The following CELSR1 variants were observed in gnomAD, a reference collection of about 807,000 sequenced individuals.
CELSR1 encodes the protein adhesion G protein-coupled receptor C1.
CELSR1 carries 110 observed loss-of-function variants against 249.1 expected under a neutral mutation model. The ratio of observed to expected loss-of-function variants is 0.44; its 90% CI spans 0.38 to 0.52. CELSR1 has a LOEUF of 0.52. Among genes scored for constraint, CELSR1 ranks in the 20% least tolerant of loss-of-function variants. CELSR1 has a pLI of 0.00. For missense variants in CELSR1, 4,109 were observed against 4,296.4 expected, an observed-to-expected ratio of 0.96 and a Z score of 1.22; for synonymous variants, 2,113 against 1,900.0, an observed-to-expected ratio of 1.11 and a Z score of -2.92.
At chr22:46,405,446 C>A (rs1351279538) in intron 9 of CELSR1, among the ~76,000 whole-genome samples, 1 of 131,006 alleles carries the variant, frequency 7.6e-6, no homozygotes, top group Non-Finnish European at 1.5e-5. Context: ...GGTGACAGAG[C>A]GAGACTCCGT....
In CELSR1 at chr22:46,473,316, T is replaced by C. The variant is rs527432121; in HGVS notation, c.3545-8971A>G. On this transcript the variant is annotated intron_variant, in intron 1 of 34. Transcript: ENST00000674500. The surrounding 1 kb of genome is among the most constrained non-coding windows in gnomAD (Gnocchi z 6.6). The stretch of plus-strand genomic sequence containing the variant: ...AGGCCAAGTCCCCAGTGATGGTGGA[T>C]GGGAGGGACAGAGGAGATGGTCCAA... 1.0e-3 allele frequency among the ~76,000 whole-genome samples: 153 copies of C among 151,914 alleles called. No homozygotes were observed. Among genetic ancestry groups the C allele is most frequent in the Admixed American group, 1.8e-3 (27 of 15,266 alleles).
In CELSR1 at chr22:46,401,639, C is replaced by CA. The variant is rs2079211448; in HGVS notation, c.5227-1738dup. ...ATCAGTCGCCTGTGACCTAGAGTCT[C>CA]AAGATGCCTAAAAGCTTTCTAGGTT... On this transcript the variant is annotated intron_variant, in intron 9 of 34. Coordinates refer to ENST00000674500, the MANE Select transcript of CELSR1 (RefSeq NM_001378328.1). The surrounding 1 kb of genome is among the most constrained non-coding windows in gnomAD (Gnocchi z 4.7). Among the ~76,000 whole-genome samples, 1 of 152,190 alleles carries CA rather than the reference C, an allele frequency of 6.6e-6. No homozygotes were observed. Among genetic ancestry groups the CA allele is most frequent in the African/African-American group, 2.4e-5 (1 of 41,444 alleles).
At chr22:46,491,846 A>C (rs960276832) in intron 1 of CELSR1, among the ~76,000 whole-genome samples, 1 of 152,132 alleles carries the variant, frequency 6.6e-6, no homozygotes, top group African/African-American at 2.4e-5. Flanking sequence ...CATGTTGGCC[A>C]GGCTGGTCTC....
intron 12 of CELSR1, among the ~76,000 whole-genome samples, chr22:46,397,217 C>T (rs1272456208): frequency 6.6e-6 from 1 of 151,976 alleles, no homozygotes; most frequent in Non-Finnish European, 1.5e-5. Flanking sequence ...GATCCTCCCA[C>T]CTCAGCCTCC....
At chr22:46,509,651 C>A (rs1223021070) in intron 1 of CELSR1, among the ~76,000 whole-genome samples, 5 of 152,032 alleles carry the variant, frequency 3.3e-5, no homozygotes, top group Non-Finnish European at 2.9e-5. Context: ...GCAGTGCCAG[C>A]GGTGCTGGGG....
At chr22:46,509,963 G>A (rs998334500) in intron 1 of CELSR1, among the ~76,000 whole-genome samples, 1 of 152,214 alleles carries the variant, frequency 6.6e-6, no homozygotes, top group Non-Finnish European at 1.5e-5. Context: ...AGGTGACAAG[G>A]CTGGGGACTT....
rs2079561275 is a variant in CELSR1, at chr22:46,428,602, G to A, written c.4611+4791C>T. Among the ~76,000 whole-genome samples, 1 of 152,226 alleles carries A rather than the reference G, an allele frequency of 6.6e-6. No individual in the cohort carries two copies. Among genetic ancestry groups the A allele is most frequent in the Admixed American group, 6.5e-5 (1 of 15,288 alleles). On this transcript the variant is annotated intron_variant, in intron 5 of 34. Transcript: ENST00000674500. The surrounding 1 kb of genome is among the most constrained non-coding windows in gnomAD (Gnocchi z 5.7). ...TCAAAACCGGGTTAGGGGAACAGCT[G>A]GAGTCTAGTGACCAGAGGTCAGGAA...
chr22:46,516,591 C>T (rs902146313), intron 1 of CELSR1, among the ~76,000 whole-genome samples: 2 of 152,072 alleles, frequency 1.3e-5, no homozygotes, highest in African/African-American at 2.4e-5. Context: ...CCTCCTGCCT[C>T]GCCTCCCAAA....
chr22:46,404,664 T>C (rs1284227129), intron 9 of CELSR1, among the ~76,000 whole-genome samples: 2 of 152,256 alleles, frequency 1.3e-5, no homozygotes, highest in East Asian at 3.9e-4. Context: ...AATTTTTGTA[T>C]TTTTAGTAGA....
At chr22:46,529,315 C>A (rs1465959319) in intron 1 of CELSR1, among the ~76,000 whole-genome samples, 1 of 151,812 alleles carries the variant, frequency 6.6e-6, no homozygotes, top group Non-Finnish European at 1.5e-5. Context: ...CTGGATGGAA[C>A]TGGAGGTCAT....
intron 23 of CELSR1, chr22:46,377,558 G>C (rs959918404): frequency 4.6e-6 from 2 of 437,424 alleles, no homozygotes; most frequent in Admixed American, 3.6e-5. Context: ...GGCCATGGGA[G>C]CCTCGGACTC....
chr22:46,366,603 A>G, intron 29 of CELSR1, 123 bp from the exon 30 acceptor site: 1 of 783,544 alleles, frequency 1.3e-6, no homozygotes, highest in Non-Finnish European at 2.1e-6. Flanking sequence ...CCTGCCTGGC[A>G]CACAGGAGGA....
At chr22:46,387,741 C>T (rs2079047485) in intron 18 of CELSR1, among the ~76,000 whole-genome samples, 1 of 152,140 alleles carries the variant, frequency 6.6e-6, no homozygotes, top group Non-Finnish European at 1.5e-5. Flanking sequence ...ATTCAAATGT[C>T]AGAGGCTGGG....
chr22:46,366,478 G>A lies in CELSR1; in HGVS notation c.8208C>T (p.Arg2736=), dbSNP rs1014208832. The part of the protein sequence containing the change: ...SATTRATLLT[R]SLNCNTTFGD... ...CGAAGGTGGTGTTGCAGTTGAGGGA[G>A]CGCTGAAGGGAGGGGAGGGGCTGGT... Residue 2736 remains arginine, a splice_region_variant and synonymous_variant, in exon 30 of 35, where the codon CGC becomes CGT. Coordinates refer to ENST00000674500, the MANE Select transcript of CELSR1 (RefSeq NM_001378328.1). 8 of 1,550,064 alleles carry A rather than the reference G, an allele frequency of 5.2e-6. No individual in the cohort carries two copies. The African/African-American group carries it at 9.6e-5, about 19-fold the overall frequency.
At chr22:46,475,346 C>T (rs1435784810) in intron 1 of CELSR1, among the ~76,000 whole-genome samples, 3 of 152,166 alleles carry the variant, frequency 2.0e-5, no homozygotes, top group East Asian at 1.9e-4. Context: ...GAAGACATCA[C>T]ACTGAGTGAA....
At chr22:46,435,528 T>C (rs1416706615) in intron 4 of CELSR1, among the ~76,000 whole-genome samples, 7 of 151,328 alleles carry the variant, frequency 4.6e-5, no homozygotes, top group Non-Finnish European at 1.0e-4. Flanking sequence ...GTGATCTGCC[T>C]GCCTCGGCCT....
At position 46,417,286 on chromosome 22, in the gene CELSR1, G is replaced by A. The variant is rs1188283676; in HGVS notation, c.4612-5527C>T. Among the ~76,000 whole-genome samples, 1 of 152,208 alleles carries A rather than the reference G, an allele frequency of 6.6e-6. No homozygotes were observed. Among genetic ancestry groups the A allele is most frequent in the Non-Finnish European group, 1.5e-5 (1 of 68,040 alleles). On this transcript the variant is annotated intron_variant, in intron 5 of 34. Transcript: ENST00000674500. The surrounding 1 kb of genome is among the most constrained non-coding windows in gnomAD (Gnocchi z 4.1). ...AAGCTGCTTGGGAAAGTGGTGGGAA[G>A]GGTCACGAGGAGCAAATTCACGCAG...
In CELSR1 at chr22:46,411,824, C is replaced by T. The variant is rs2079340312; in HGVS notation, c.4612-65G>A. 1.9e-6 allele frequency: 3 copies of T among 1,598,582 alleles called. No homozygotes were observed. Among genetic ancestry groups the T allele is most frequent in the Admixed American group, 3.3e-5 (2 of 59,902 alleles). On this transcript the variant is annotated intron_variant, in intron 5 of 34. Coordinates refer to ENST00000674500, the MANE Select transcript of CELSR1 (RefSeq NM_001378328.1). The surrounding 1 kb of genome is among the most constrained non-coding windows in gnomAD (Gnocchi z 4.2). ...CCACCAGTGCCCTCAGCAGGCGCAC[C>T]TGTCACTCATAGAGCGAGGAGGACA...
At chr22:46,457,141 T>A (rs2079964840) in intron 2 of CELSR1, among the ~76,000 whole-genome samples, 1 of 152,138 alleles carries the variant, frequency 6.6e-6, no homozygotes, top group Non-Finnish European at 1.5e-5. Context: ...GGTCAGGAGT[T>A]CGAGAACAGC....
Sources: gnomAD v4.1 joint callset for allele counts (sites outside exome capture counted in the v4.1 genomes callset) on GRCh38, gnomAD v4.1.1 for gene constraint, Gnocchi (gnomAD v3.1) non-coding constraint, MANE v1.5 for transcripts, NCBI Gene and HGNC (gene_info 2026-07-23, HGNC 2026-07-21) for gene names.